The following MARCHF4 variants were observed in gnomAD, a reference collection of about 807,000 sequenced individuals.
MARCHF4 encodes the protein E3 ubiquitin-protein ligase MARCHF4.
A neutral mutation model predicts 43.9 loss-of-function variants in MARCHF4; 14 were observed. The ratio of observed to expected loss-of-function variants is 0.32; its 90% confidence interval spans 0.21 to 0.50. MARCHF4 has a LOEUF of 0.50. Among genes scored for constraint, MARCHF4 ranks in the 20% least tolerant of loss-of-function variants. The pLI, the probability that MARCHF4 is intolerant of heterozygous loss-of-function variation, is 0.98. For synonymous variants in MARCHF4, 226 were observed against 213.3 expected, an observed-to-expected ratio of 1.06 and a Z score of -0.52; for missense variants, 468 against 536.7, an observed-to-expected ratio of 0.87 and a Z score of 1.27.
At chr2:216,288,737 G>C (rs963858790) in intron 1 of MARCHF4, among the ~76,000 whole-genome samples, 1 of 152,100 alleles carries the variant, frequency 6.6e-6, no homozygotes, top group African/African-American at 2.4e-5. Flanking sequence ...TGATGGAGGT[G>C]GTGGGAGGGA....
At chr2:216,316,535 G>C (rs1444563100) in intron 1 of MARCHF4, among the ~76,000 whole-genome samples, 8 of 152,162 alleles carry the variant, frequency 5.3e-5, no homozygotes, top group African/African-American at 1.9e-4. Flanking sequence ...AAATGAAATA[G>C]GTCCACAGTC....
rs147950462 is a variant in MARCHF4 at position 216,363,368 on chromosome 2, C to T, written c.516+6377G>A. Among the ~76,000 whole-genome samples the T allele has an allele frequency of 1.6e-4, 24 of 152,322 alleles. No homozygotes were observed. The East Asian group carries it at 4.6e-3, about 29-fold the overall frequency. On this transcript the variant is annotated intron_variant, in intron 1 of 3. Transcript: ENST00000273067. ...ACAGGCATCTCCCCTCCTCTCATTC[C>T]CAGTTCTGCCCGTGAAAGTGAGACA...
chr2:216,360,201 C>T (rs1253065479), intron 1 of MARCHF4, among the ~76,000 whole-genome samples: 1 of 152,100 alleles, frequency 6.6e-6, no homozygotes, highest in Non-Finnish European at 1.5e-5. Flanking sequence ...AAATTGTAGC[C>T]AGGTCAGAAT....
intron 3 of MARCHF4, among the ~76,000 whole-genome samples, chr2:216,271,304 C>T (rs1411178625): frequency 1.3e-5 from 2 of 152,152 alleles, no homozygotes; most frequent in Non-Finnish European, 2.9e-5. Flanking sequence ...AATGCTAGTT[C>T]CTTTGCCTGA....
chr2:216,369,066 C>G (rs1019840342), intron 1 of MARCHF4, among the ~76,000 whole-genome samples: 5 of 152,326 alleles, frequency 3.3e-5, no homozygotes, highest in African/African-American at 4.8e-5. Context: ...TTATTGCCTA[C>G]GTCAGTCTCT....
At chr2:216,356,114 C>T (rs1282344498) in intron 1 of MARCHF4, among the ~76,000 whole-genome samples, 2 of 152,250 alleles carry the variant, frequency 1.3e-5, no homozygotes, top group African/African-American at 2.4e-5. Flanking sequence ...ATATACAACC[C>T]ACATTCCTTC....
intron 3 of MARCHF4, among the ~76,000 whole-genome samples, chr2:216,270,801 C>T (rs113490644): frequency 6.6e-6 from 1 of 152,130 alleles, no homozygotes; most frequent in African/African-American, 2.4e-5. Flanking sequence ...GACTCTCACT[C>T]TCCTAAGAGG....
intron 3 of MARCHF4, among the ~76,000 whole-genome samples, chr2:216,268,995 T>C (rs975459798): frequency 6.6e-6 from 1 of 152,134 alleles, no homozygotes; most frequent in African/African-American, 2.4e-5. Flanking sequence ...TTTAAATCAC[T>C]GAAAAGAACC....
At position 216,259,088 on chromosome 2, in the gene MARCHF4, G is replaced by T. The variant is rs1004726605; in HGVS notation, c.*224C>A. ...TGTATTGCACTTTGTTGTTGAGTTGGTGTTGGTTTTCATTGTTGTTGTGGA... is the reference window on the plus strand; with the variant it reads ...TGTATTGCACTTTGTTGTTGAGTTGTTGTTGGTTTTCATTGTTGTTGTGGA... On this transcript the variant is annotated 3_prime_UTR_variant, in exon 4 of 4. Coordinates refer to ENST00000273067, the MANE Select transcript of MARCHF4 (RefSeq NM_020814.3). 6 of 465,860 alleles carry T rather than the reference G, an allele frequency of 1.3e-5. No individual in the cohort carries two copies. The highest frequency in any genetic ancestry group is 9.5e-5 in the African/African-American group (5 of 52,380). The allele number at this position is 465,860 out of a possible 1,614,324, so 28.9% of individuals were successfully genotyped here. A position where few individuals can be genotyped will look rare whatever the true frequency, so the allele number is the denominator to read the frequency against.
intron 1 of MARCHF4, among the ~76,000 whole-genome samples, chr2:216,309,018 C>T (rs1336211477): frequency 2.6e-5 from 4 of 152,184 alleles, no homozygotes; most frequent in African/African-American, 9.6e-5. Flanking sequence ...AAAATGAAGT[C>T]TTGGGACTAG....
intron 1 of MARCHF4, among the ~76,000 whole-genome samples, chr2:216,353,498 G>T (rs996678602): frequency 1.3e-5 from 2 of 152,154 alleles, no homozygotes; most frequent in African/African-American, 4.8e-5. Flanking sequence ...TTAGGGATTT[G>T]CCTTCCACCT....
intron 3 of MARCHF4, among the ~76,000 whole-genome samples, chr2:216,268,401 C>T (rs1320347530): frequency 6.6e-6 from 1 of 152,212 alleles, no homozygotes; most frequent in Non-Finnish European, 1.5e-5. Flanking sequence ...ATAATCCCTA[C>T]ATGTCAAGGG....
At chr2:216,347,785 G>A (rs532051318) in intron 1 of MARCHF4, among the ~76,000 whole-genome samples, 22 of 149,802 alleles carry the variant, frequency 1.5e-4, no homozygotes, top group South Asian at 1.3e-3. Context: ...ATAGGGTGAC[G>A]GTAAAGACAG....
At chr2:216,356,713 T>A (rs987805943) in intron 1 of MARCHF4, among the ~76,000 whole-genome samples, 2 of 152,194 alleles carry the variant, frequency 1.3e-5, no homozygotes, top group African/African-American at 4.8e-5. Flanking sequence ...GAAATAACAT[T>A]AAACTTATTT....
chr2:216,300,417 C>T (rs1691476559), intron 1 of MARCHF4, among the ~76,000 whole-genome samples: 1 of 148,906 alleles, frequency 6.7e-6, no homozygotes, highest in Non-Finnish European at 1.5e-5. Context: ...GATCACAGCT[C>T]ACTGCAGCCT....
intron 3 of MARCHF4, among the ~76,000 whole-genome samples, chr2:216,276,350 G>A (rs1691021234): frequency 1.3e-5 from 2 of 152,086 alleles, no homozygotes; most frequent in Non-Finnish European, 2.9e-5. Context: ...AAATTAGAAT[G>A]CATCAATGTC....
At chr2:216,266,025 A>G (rs1276726537) in intron 3 of MARCHF4, 1 of 152,182 alleles carries the variant, frequency 6.6e-6, no homozygotes, top group African/African-American at 2.4e-5. Flanking sequence ...AACTTATTAT[A>G]AGTAATTTTA....
chr2:216,304,293 A>G (rs1042000429), intron 1 of MARCHF4, among the ~76,000 whole-genome samples: 1 of 152,170 alleles, frequency 6.6e-6, no homozygotes, highest in Admixed American at 6.6e-5. Flanking sequence ...AGCATCTTCA[A>G]TTGTAGCTAT....
chr2:216,314,566 A>G (rs1574473350), intron 1 of MARCHF4, among the ~76,000 whole-genome samples: 1 of 151,450 alleles, frequency 6.6e-6, no homozygotes, highest in Admixed American at 6.6e-5. Flanking sequence ...TAAGTGATCC[A>G]CCTGCCTCAG....
Sources: allele counts gnomAD v4.1 joint callset (sites outside exome capture counted in the v4.1 genomes callset), GRCh38; gene constraint gnomAD v4.1.1; transcripts MANE v1.5; gene names NCBI Gene and HGNC (gene_info 2026-07-23, HGNC 2026-07-21).